The following HDAC5 variants were observed in gnomAD, a reference collection of about 807,000 sequenced individuals.
HDAC5 encodes antigen NY-CO-9.
HDAC5 carries 25 observed loss-of-function variants against 133.3 expected under a neutral mutation model. The observed-to-expected ratio is 0.19, with a 90% CI of 0.14 to 0.26. The LOEUF (loss-of-function observed/expected upper bound fraction) is 0.26, where lower values mean the gene tolerates loss of function less well. HDAC5 is among the 10% of genes least tolerant of loss of function. The probability of loss-of-function intolerance (pLI) is 1.00; values close to 1 mark genes in which losing one functional copy is unlikely to be tolerated. For synonymous variants in HDAC5, 589 were observed against 610.8 expected (o/e 0.96, Z 0.53); for missense variants, 1,041 against 1,460.5 (o/e 0.71, Z 4.68).
At position 44,080,438 on chromosome 17, in the gene HDAC5, G is replaced by A; in HGVS notation, c.2788C>T (p.Pro930Ser). The change falls in exon 22 of 27, where the codon CCC becomes TCC. Residue 930 changes from proline to serine, a missense_variant. By Grantham distance (74) the Pro-to-Ser change is moderately conservative. Around this residue, in one of 9 missense-constraint regions of HDAC5, gnomAD observed 174 missense variants for 352.7 expected, o/e 0.49. Transcript: ENST00000682912. ...VNVAWTGGVD[P>S]PIGDVEYLTA... Reference sequence around the variant, plus strand: ...AGGTACTCCACGTCTCCAATGGGGGGGTCCACACCTCCTGTCCATGCCACG... The same window carrying A: ...AGGTACTCCACGTCTCCAATGGGGGAGTCCACACCTCCTGTCCATGCCACG... 1 of 1,614,072 alleles carries A rather than the reference G, an allele frequency of 6.2e-7. No individual in the cohort carries two copies. Among genetic ancestry groups the A allele is most frequent in the Non-Finnish European group, 8.5e-7 (1 of 1,179,998 alleles).
chr17:44,091,544 C>T (rs779957237), intron 10 of HDAC5, 52 bp from the exon 11 acceptor site: 2 of 1,507,500 alleles, frequency 1.3e-6, no homozygotes, highest in South Asian at 2.6e-5. Context: ...CAACTTTGGA[C>T]TAGCATCCCC....
chr17:44,113,585 C>T (rs1212846399), intron 2 of HDAC5, among the ~76,000 whole-genome samples: 1 of 152,134 alleles, frequency 6.6e-6, no homozygotes, highest in Admixed American at 6.5e-5. Context: ...CGTTCTCTCC[C>T]AACCAGCACA....
chr17:44,101,058 G>C (rs1597995323), intron 3 of HDAC5, among the ~76,000 whole-genome samples: 2 of 149,942 alleles, frequency 1.3e-5, no homozygotes, highest in East Asian at 4.1e-4. Flanking sequence ...CAAAGTGCTG[G>C]GATTACAGGC....
intron 14 of HDAC5, among the ~76,000 whole-genome samples, chr17:44,085,922 G>A (rs954127701): frequency 2.0e-5 from 3 of 152,152 alleles, no homozygotes; most frequent in Admixed American, 1.3e-4. Flanking sequence ...GATTACAGGT[G>A]TGAGCCACTG....
intron 3 of HDAC5, among the ~76,000 whole-genome samples, chr17:44,101,890 A>AG (rs1383533217): frequency 8.3e-6 from 1 of 119,766 alleles, no homozygotes; most frequent in Non-Finnish European, 1.8e-5. Context: ...AGGTAGGGGG[A>AG]GGGGGGCAGG....
In HDAC5 at chr17:44,088,391, C is replaced by T; in HGVS notation, c.1595G>A (p.Gly532Asp). 1 of 1,550,526 alleles carries T rather than the reference C, an allele frequency of 6.4e-7. No homozygotes were observed. Among genetic ancestry groups the T allele is most frequent in the Non-Finnish European group, 8.7e-7 (1 of 1,147,816 alleles). The stretch of plus-strand genomic sequence containing the variant: ...CATTCACCTTTCCAGGCTCACCTTG[C>T]CCAGCTGTAGCTGCTGCTGCTTCTG... ...EKQKQQQLQLGKILTKTGELP... is the reference protein window; with the variant it reads ...EKQKQQQLQLDKILTKTGELP... Residue 532 changes from glycine to aspartate, a missense_variant, in exon 12 of 27, where the codon GGC becomes GAC. Around this residue, in one of 9 missense-constraint regions of HDAC5, gnomAD observed 433 missense variants for 531.6 expected, o/e 0.81. Coordinates refer to ENST00000682912, the MANE Select transcript of HDAC5 (RefSeq NM_005474.5).
At chr17:44,107,304 T>C (rs1286038405) in intron 3 of HDAC5, among the ~76,000 whole-genome samples, 2 of 152,114 alleles carry the variant, frequency 1.3e-5, no homozygotes, top group African/African-American at 2.4e-5. Flanking sequence ...CTATCAACAC[T>C]GTCCTAAAAC....
chr17:44,090,500 G>A (rs1046235492), intron 11 of HDAC5, among the ~76,000 whole-genome samples: 33 of 151,158 alleles, frequency 2.2e-4, no homozygotes, highest in African/African-American at 7.3e-4. Flanking sequence ...TCAGCCTCCC[G>A]AGTAGCTGGG....
intron 6 of HDAC5, 34 bp from the exon 7 acceptor site, chr17:44,092,840 T>G (rs2051029617): frequency 2.4e-6 from 2 of 840,524 alleles, no homozygotes; most frequent in South Asian, 1.9e-5. Context: ...TGGAAGCAGA[T>G]CTAGGTTATC....
rs114980774 is a variant in HDAC5, at chr17:44,123,154, C to T, written c.-190+350G>A. The T allele has an allele frequency of 1.8e-3, 351 of 196,640 alleles. 2 individuals are homozygous for T. The highest frequency in any genetic ancestry group is 7.9e-3 in the African/African-American group (341 of 43,082). The allele number at this position is 196,640 out of a possible 1,614,324, so 12.2% of individuals were successfully genotyped here. ...GTGCAGGGCTCAAATGGCTCTGCAA[C>T]GCAACATGCGCCGCCAGGGAAGGGG... On this transcript the variant is annotated intron_variant, in intron 1 of 26. Coordinates refer to ENST00000682912, the MANE Select transcript of HDAC5 (RefSeq NM_005474.5).
intron 11 of HDAC5, among the ~76,000 whole-genome samples, chr17:44,090,924 C>T (rs1459386099): frequency 6.6e-6 from 1 of 152,026 alleles, no homozygotes; most frequent in Non-Finnish European, 1.5e-5. Context: ...CTCCTGACCT[C>T]GTGATCCACC....
chr17:44,103,211 T>C (rs1035929964), intron 3 of HDAC5, among the ~76,000 whole-genome samples: 3 of 152,186 alleles, frequency 2.0e-5, no homozygotes, highest in Non-Finnish European at 4.4e-5. Context: ...GTGACACCGA[T>C]GACCCCTCCC....
At chr17:44,095,503 G>A (rs1274248911) in intron 3 of HDAC5, among the ~76,000 whole-genome samples, 2 of 151,930 alleles carry the variant, frequency 1.3e-5, no homozygotes, top group East Asian at 3.9e-4. Context: ...GGGCAGGAGG[G>A]AGAGGCTGTG....
chr17:44,123,416 C>T (rs986243318), intron 1 of HDAC5, 88 bp downstream of exon 1: 4 of 353,190 alleles, frequency 1.1e-5, no homozygotes, highest in Admixed American at 4.7e-5. Flanking sequence ...GCTGGGAGCC[C>T]GCGGACAGAG....
chr17:44,106,317 C>T (rs899723856), intron 3 of HDAC5, among the ~76,000 whole-genome samples: 3 of 152,174 alleles, frequency 2.0e-5, no homozygotes, highest in Non-Finnish European at 2.9e-5. Flanking sequence ...CCAAGTGGTC[C>T]TCAGTATTTA....
chr17:44,117,581 A>T lies in HDAC5; in HGVS notation c.-66T>A. ...GACGGGAGGGGGTGGAGCTGCGGTG[A>T]TGTCAAGAGAGACAGACGATAACAG... On this transcript the variant is annotated 5_prime_UTR_variant, in exon 2 of 27. Transcript: ENST00000682912. This position sits in a 1 kb window ranked among gnomAD's most constrained non-coding sequence, Gnocchi z 4.2. The T allele has an allele frequency of 6.4e-7, 1 of 1,568,392 alleles. No individual in the cohort carries two copies. The highest frequency in any genetic ancestry group is 1.1e-5 in the South Asian group (1 of 90,340).
intron 14 of HDAC5, among the ~76,000 whole-genome samples, chr17:44,085,986 C>A (rs2050630039): frequency 6.6e-6 from 1 of 152,150 alleles, no homozygotes; most frequent in African/African-American, 2.4e-5. Context: ...CCTGAAATTC[C>A]TTTGCTCCAT....
At chr17:44,122,752 T>C (rs948385033) in intron 1 of HDAC5, among the ~76,000 whole-genome samples, 2 of 151,882 alleles carry the variant, frequency 1.3e-5, no homozygotes, top group Non-Finnish European at 2.9e-5. Flanking sequence ...CCCAAGTTAA[T>C]AAGGCACTGG....
chr17:44,104,137 G>C (rs190899009), intron 3 of HDAC5, among the ~76,000 whole-genome samples: 1 of 150,806 alleles, frequency 6.6e-6, no homozygotes, highest in Non-Finnish European at 1.5e-5. Context: ...CCTGGCCAAC[G>C]TGGTGAAACC....
Sources: gnomAD v4.1 joint callset for allele counts (sites outside exome capture counted in the v4.1 genomes callset) on GRCh38, gnomAD v4.1.1 for gene constraint, gnomAD v4.1.1 regional missense constraint, Gnocchi (gnomAD v3.1) non-coding constraint, MANE v1.5 for transcripts, NCBI Gene and HGNC (gene_info 2026-07-23, HGNC 2026-07-21) for gene names.